Variants in RAB4A observed in about 807,000 individuals in gnomAD.
RAB4A encodes ras-related protein Rab-4A.
Under a neutral mutation model 34.5 loss-of-function variants are expected in RAB4A, and 20 were observed. The ratio of observed to expected loss-of-function variants is 0.58; its 90% CI spans 0.41 to 0.84. RAB4A has a LOEUF of 0.84. RAB4A is among the 40% of genes least tolerant of loss of function. The probability of loss-of-function intolerance (pLI) is 0.00; values close to 1 mark genes in which losing one functional copy is unlikely to be tolerated. For missense variants in RAB4A, 228 were observed against 274.5 expected (o/e 0.83, Z 1.20); for synonymous variants, 102 against 100.0 (o/e 1.02, Z -0.12).
intron 1 of RAB4A, among the ~76,000 whole-genome samples, chr1:229,283,712 C>CT (rs1656837177): frequency 6.6e-6 from 1 of 151,626 alleles, no homozygotes; most frequent in Non-Finnish European, 1.5e-5. Flanking sequence ...CCTTCTTTTG[C>CT]TCCACTCTTT....
intron 4 of RAB4A, 35 bp downstream of exon 4, chr1:229,295,945 C>G (rs369391950): frequency 3.7e-6 from 6 of 1,604,610 alleles, no homozygotes; most frequent in Non-Finnish European, 5.1e-6. Flanking sequence ...GGAGGGTGCT[C>G]AGTGCCCTGC....
intron 1 of RAB4A, among the ~76,000 whole-genome samples, chr1:229,278,628 C>G (rs776955820): frequency 2.6e-5 from 4 of 152,336 alleles, no homozygotes; most frequent in Non-Finnish European, 5.9e-5. Context: ...TCTAAAGCTT[C>G]AAGTCCCCAC....
At chr1:229,273,477 C>G (rs987298705) in intron 1 of RAB4A, among the ~76,000 whole-genome samples, 5 of 152,194 alleles carry the variant, frequency 3.3e-5, no homozygotes, top group African/African-American at 1.2e-4. Context: ...TGATGGCTCA[C>G]GCCTGTAATC....
At chr1:229,302,303 ATATATATTTTT>A (rs1204630582) in intron 6 of RAB4A, among the ~76,000 whole-genome samples, 17 of 39,694 alleles carry the variant, frequency 4.3e-4, no homozygotes, top group African/African-American at 5.8e-4. Flanking sequence ...ATATATATAT[ATATATATTTTT>A]TTTTTTTTTT....
intron 3 of RAB4A, among the ~76,000 whole-genome samples, chr1:229,295,193 C>G (rs1273074206): frequency 6.6e-6 from 1 of 152,014 alleles, no homozygotes; most frequent in Non-Finnish European, 1.5e-5. Context: ...CTCAAGCAGT[C>G]CTCCCTCCTG....
At chr1:229,290,087 A>G (rs1216295755) in intron 3 of RAB4A, among the ~76,000 whole-genome samples, 1 of 152,232 alleles carries the variant, frequency 6.6e-6, no homozygotes, top group East Asian at 1.9e-4. Flanking sequence ...CTGACAGCAG[A>G]AGGAGCTCCA....
At chr1:229,271,789 C>T (rs67413306) in intron 1 of RAB4A, among the ~76,000 whole-genome samples, 5,197 of 152,296 alleles carry the variant, frequency 0.034, 134 homozygotes, top group Non-Finnish European at 0.052. Context: ...TCCTCAAATA[C>T]TTCAGTTTGA....
At chr1:229,299,183 T>C (rs1282289797) in intron 6 of RAB4A, 111 bp downstream of exon 6, 52 of 733,464 alleles carry the variant, frequency 7.1e-5, no homozygotes, top group Non-Finnish European at 1.0e-4. Flanking sequence ...ATGTTCTCTC[T>C]CTACCTGCCA....
intron 2 of RAB4A, 28 bp from the exon 3 acceptor site, chr1:229,288,697 TTAAA>T (rs770105783): frequency 2.6e-6 from 3 of 1,156,580 alleles, no homozygotes; most frequent in Non-Finnish European, 3.8e-6. Context: ...TGTTCTAAAA[TTAAA>T]TATGCTGTTC....
At chr1:229,292,253 T>C (rs116357729) in intron 3 of RAB4A, among the ~76,000 whole-genome samples, 10,557 of 151,704 alleles carry the variant, frequency 0.07, 458 homozygotes, top group Non-Finnish European at 0.1. Flanking sequence ...AAAAAGAAAA[T>C]TTAACACCTC....
At chr1:229,280,554 G>A (rs555109383) in intron 1 of RAB4A, among the ~76,000 whole-genome samples, 19 of 152,172 alleles carry the variant, frequency 1.2e-4, no homozygotes, top group African/African-American at 3.4e-4. Context: ...ATAATATCAC[G>A]TATTTTTTTT....
chr1:229,302,471 T>C (rs1440372711), intron 6 of RAB4A, among the ~76,000 whole-genome samples: 1 of 150,074 alleles, frequency 6.7e-6, no homozygotes, highest in East Asian at 1.9e-4. Flanking sequence ...GTCCACAGCA[T>C]GTAGTATCAT....
rs939164149 is a variant in RAB4A at position 229,298,837 on chromosome 1, T to C, written c.446-140T>C. On this transcript the variant is annotated intron_variant, in intron 5 of 7. Transcript: ENST00000366690. ...AACACATAATGACATATATTGATTT[T>C]ATATTTACAGAAATATATGGTTTTA... 9.2e-6 allele frequency: 6 copies of C among 648,822 alleles called. No homozygotes were observed. The African/African-American group carries it at 1.1e-4, about 12-fold the overall frequency. The allele number at this position is 648,822 out of a possible 1,614,324, so 40.2% of individuals were successfully genotyped here. A position where few individuals can be genotyped will look rare whatever the true frequency, so the allele number is the denominator to read the frequency against.
chr1:229,277,247 A>G (rs992678998), intron 1 of RAB4A, among the ~76,000 whole-genome samples: 5 of 150,824 alleles, frequency 3.3e-5, no homozygotes, highest in Non-Finnish European at 7.4e-5. Context: ...TCTGTGCTGC[A>G]AATGTTAAAT....
intron 1 of RAB4A, among the ~76,000 whole-genome samples, 184 bp downstream of exon 1, chr1:229,271,554 T>G (rs1240113631): frequency 3.3e-5 from 4 of 121,892 alleles, no homozygotes; most frequent in Non-Finnish European, 5.3e-5. Flanking sequence ...GGGGCTCGGG[T>G]GGGGTAGCGG....
At chr1:229,288,925 C>A in intron 3 of RAB4A, 82 bp downstream of exon 3, 2 of 834,716 alleles carry the variant, frequency 2.4e-6, no homozygotes, top group Non-Finnish European at 3.9e-6. Context: ...TATAAGGTCT[C>A]ACTCCCTCCC....
At chr1:229,303,503 T>C (rs1026166527) in intron 7 of RAB4A, among the ~76,000 whole-genome samples, 5 of 152,188 alleles carry the variant, frequency 3.3e-5, no homozygotes, top group African/African-American at 1.2e-4. Flanking sequence ...GGGTGAGATA[T>C]CCTGATTCCT....
At chr1:229,290,824 T>A (rs1657051038) in intron 3 of RAB4A, among the ~76,000 whole-genome samples, 1 of 152,092 alleles carries the variant, frequency 6.6e-6, no homozygotes, top group Non-Finnish European at 1.5e-5. Flanking sequence ...TAAAGAATCC[T>A]CCAGAATTAA....
rs547788268 is a variant in RAB4A, at chr1:229,296,708, C to T, written c.291-774C>T. Among the ~76,000 whole-genome samples the T allele has an allele frequency of 2.5e-4, 38 of 152,304 alleles. 1 individual carries two copies. In the South Asian group the frequency reaches 7.5e-3, roughly 30 times the overall value. On this transcript the variant is annotated intron_variant, in intron 4 of 7. Coordinates refer to ENST00000366690, the MANE Select transcript of RAB4A (RefSeq NM_004578.4). ...ACCTGTCCAGTGAGAGGATGTCACT[C>T]AGCAGCCGCTTCCCTCTTCCAATCT...
Sources: gnomAD v4.1 joint callset for allele counts (sites outside exome capture counted in the v4.1 genomes callset) on GRCh38, gnomAD v4.1.1 for gene constraint, MANE v1.5 for transcripts, NCBI Gene and HGNC (gene_info 2026-07-23, HGNC 2026-07-21) for gene names.